MISFA: variants seen among roughly 807,000 people sequenced by gnomAD.
MISFA encodes mitochondrial sheath formation associated.
At chr11:18,599,805 G>C in the MISFA span, 1 of 393,816 alleles carries the variant, frequency 2.5e-6, no homozygotes, top group East Asian at 3.6e-5. Flanking sequence ...TGGAGCCAAA[G>C]ACTCGAACAG....
At chr11:18,600,906 G>A in the MISFA span, among the ~76,000 whole-genome samples, 1 of 152,118 alleles carries the variant, frequency 6.6e-6, no homozygotes, top group South Asian at 2.1e-4. Context: ...ATTTGCAAGG[G>A]GTCTGCTGGA....
At chr11:18,600,455 G>A in the MISFA span, among the ~76,000 whole-genome samples, 4 of 149,874 alleles carry the variant, frequency 2.7e-5, no homozygotes, top group Non-Finnish European at 4.4e-5. Context: ...CACCCACCTC[G>A]GCCTCCCAAA....
the MISFA span, chr11:18,601,074 A>G: frequency 1.5e-5 from 6 of 398,490 alleles, no homozygotes; most frequent in East Asian, 2.1e-4. Context: ...CTGCCCTCAA[A>G]TTTTCTTTCT....
chr11:18,603,265 G>A, the MISFA span: 1 of 398,664 alleles, frequency 2.5e-6, no homozygotes, highest in Non-Finnish European at 4.4e-6. Flanking sequence ...AACAAACTAA[G>A]TATGAAAATC....
At chr11:18,603,851 G>A in the MISFA span, 1 of 344,828 alleles carries the variant, frequency 2.9e-6, no homozygotes, top group Non-Finnish European at 5.1e-6. Context: ...TACAGTTCCT[G>A]TTGTTGGTTT....
the MISFA span, chr11:18,600,944 C>A: frequency 2.5e-6 from 1 of 396,562 alleles, no homozygotes; most frequent in East Asian, 3.6e-5. Flanking sequence ...GGATTGCAGG[C>A]CAAGTGGATC....
chr11:18,604,372 T>A, the MISFA span, among the ~76,000 whole-genome samples: 1 of 152,000 alleles, frequency 6.6e-6, no homozygotes, highest in South Asian at 2.1e-4. Context: ...GATACCTAGT[T>A]TTGCCTGGCG....
At chr11:18,604,185 CA>C in the MISFA span, among the ~76,000 whole-genome samples, 1 of 151,946 alleles carries the variant, frequency 6.6e-6, no homozygotes, top group African/African-American at 2.4e-5. Flanking sequence ...CTCGGCCTCC[CA>C]AAGTGCTGGG....
At chr11:18,605,491 C>G in the MISFA span, among the ~76,000 whole-genome samples, 1 of 152,124 alleles carries the variant, frequency 6.6e-6, no homozygotes, top group Non-Finnish European at 1.5e-5. Context: ...GTTTGCTTAA[C>G]TATTTGTAAG....
At chr11:18,602,885 T>C in the MISFA span, 1 of 365,676 alleles carries the variant, frequency 2.7e-6, no homozygotes, top group South Asian at 1.5e-4. Flanking sequence ...GTGCTCATGC[T>C]GACTGGGTTG....
At chr11:18,605,577 G>GTATAC in the MISFA span, among the ~76,000 whole-genome samples, 2 of 152,026 alleles carry the variant, frequency 1.3e-5, no homozygotes, top group African/African-American at 4.8e-5. Flanking sequence ...CAAAACTTTA[G>GTATAC]TAATTTCTGA....
At chr11:18,599,859 C>T in the MISFA span, 5 of 398,404 alleles carry the variant, frequency 1.3e-5, no homozygotes, top group Non-Finnish European at 2.2e-5. Flanking sequence ...GAGCGCACTC[C>T]TTTGCCAAGA....
the MISFA span, chr11:18,609,443 C>T: frequency 1.8e-5 from 3 of 162,708 alleles, no homozygotes; most frequent in African/African-American, 4.8e-5. Context: ...CATAAAAAGA[C>T]TAAGTTTGAT....
chr11:18,603,088 C>T, the MISFA span: 29 of 398,820 alleles, frequency 7.3e-5, no homozygotes, highest in Non-Finnish European at 1.1e-4. Flanking sequence ...CTTGTTTCTT[C>T]GTGGGTACAC....
At chr11:18,600,217 T>A in the MISFA span, among the ~76,000 whole-genome samples, 3 of 152,132 alleles carry the variant, frequency 2.0e-5, no homozygotes, top group Non-Finnish European at 4.4e-5. Flanking sequence ...TATTATTATT[T>A]TTTGAGATGG....
chr11:18,601,394 C>G, the MISFA span: 1 of 396,420 alleles, frequency 2.5e-6, no homozygotes, highest in Non-Finnish European at 4.4e-6. Flanking sequence ...CTGTTCCCAT[C>G]TATTATTTTT....
At chr11:18,601,763 T>C in the MISFA span, 51 of 378,790 alleles carry the variant, frequency 1.3e-4, no homozygotes, top group Admixed American at 1.4e-3. Flanking sequence ...GGAGTTAACA[T>C]TGAACTTGGG....
chr11:18,603,916 A>AATTTT, the MISFA span: 1 of 141,884 alleles, frequency 7.0e-6, no homozygotes, highest in Non-Finnish European at 1.2e-5. Context: ...AAGTTACCGC[A>AATTTT]CTTTTTTTTT....
At chr11:18,609,562 G>A in the MISFA span, 2 of 308,860 alleles carry the variant, frequency 6.5e-6, no homozygotes, top group Non-Finnish European at 1.2e-5. Flanking sequence ...AAGATTGGCT[G>A]ACTGGTGAGT....
Sources: allele counts gnomAD v4.1 joint callset (sites outside exome capture counted in the v4.1 genomes callset), GRCh38; gene constraint gnomAD v4.1.1; transcripts MANE v1.5; gene names NCBI Gene and HGNC (gene_info 2026-07-23, HGNC 2026-07-21).